CCDC192: variants seen among roughly 807,000 people sequenced by gnomAD.
CCDC192 encodes coiled-coil domain containing 192, also known as coiled-coil domain-containing protein 192.
chr5:127,712,744 A>G (rs956939047), intron 2 of CCDC192, among the ~76,000 whole-genome samples: 1 of 152,250 alleles, frequency 6.6e-6, no homozygotes, highest in South Asian at 2.1e-4. Flanking sequence ...TTGTATAGAC[A>G]TATGCTTTCT....
At chr5:127,784,703 G>A in intron 3 of CCDC192, 1 of 631,422 alleles carries the variant, frequency 1.6e-6, no homozygotes, top group Non-Finnish European at 2.9e-6. Flanking sequence ...TTCTTGATCA[G>A]GGACCCGGGA....
chr5:127,747,368 G>A (rs1443711081), intron 2 of CCDC192, among the ~76,000 whole-genome samples: 1 of 150,954 alleles, frequency 6.6e-6, no homozygotes, highest in Non-Finnish European at 1.5e-5. Flanking sequence ...TTGGTTTTTT[G>A]TCCTTGTGAT....
intron 2 of CCDC192, among the ~76,000 whole-genome samples, chr5:127,746,583 T>C (rs2126852473): frequency 6.6e-6 from 1 of 152,036 alleles, no homozygotes; most frequent in East Asian, 1.9e-4. Context: ...CATCTCTAAG[T>C]GTAAATACAC....
intron 6 of CCDC192, among the ~76,000 whole-genome samples, chr5:127,894,537 A>G (rs1752826437): frequency 6.6e-6 from 1 of 152,164 alleles, no homozygotes. Context: ...GTCATTAGCC[A>G]TGACATGTTA....
At chr5:127,765,242 C>A (rs1470472499) in intron 3 of CCDC192, among the ~76,000 whole-genome samples, 1 of 152,146 alleles carries the variant, frequency 6.6e-6, no homozygotes, top group African/African-American at 2.4e-5. Flanking sequence ...CTTCCAGATT[C>A]TACATGGCAG....
chr5:127,897,748 A>G (rs982536398), intron 6 of CCDC192, among the ~76,000 whole-genome samples: 1 of 152,088 alleles, frequency 6.6e-6, no homozygotes, highest in Admixed American at 6.5e-5. Context: ...TAGGTGTTCT[A>G]GTTTATGAAA....
At chr5:127,914,435 T>C (rs767062898) in intron 6 of CCDC192, among the ~76,000 whole-genome samples, 6 of 152,198 alleles carry the variant, frequency 3.9e-5, no homozygotes, top group African/African-American at 7.2e-5. Flanking sequence ...AATGTATAAA[T>C]ACTATAAATA....
chr5:127,803,395 C>G (rs1196516303), intron 5 of CCDC192, among the ~76,000 whole-genome samples: 1 of 152,162 alleles, frequency 6.6e-6, no homozygotes, highest in Non-Finnish European at 1.5e-5. Context: ...CCCTGGGCAT[C>G]TTTATCACTC....
chr5:127,708,625 C>T (rs927139963), intron 2 of CCDC192, among the ~76,000 whole-genome samples: 3 of 151,994 alleles, frequency 2.0e-5, no homozygotes, highest in Non-Finnish European at 2.9e-5. Flanking sequence ...CATCTCCAAC[C>T]TTTGTGATGA....
chr5:127,738,111 T>C (rs1398343809), intron 2 of CCDC192, among the ~76,000 whole-genome samples: 6 of 152,018 alleles, frequency 3.9e-5, no homozygotes, highest in Non-Finnish European at 7.4e-5. Flanking sequence ...CAGGAGCTCT[T>C]GTAAGGCAGG....
chr5:127,882,523 T>C (rs1298601066), intron 6 of CCDC192, among the ~76,000 whole-genome samples: 1 of 152,208 alleles, frequency 6.6e-6, no homozygotes, highest in East Asian at 1.9e-4. Context: ...TGGAATTAGA[T>C]ATAGCAATAG....
chr5:127,721,445 G>T (rs774681628), intron 2 of CCDC192, among the ~76,000 whole-genome samples: 11 of 152,176 alleles, frequency 7.2e-5, no homozygotes, highest in Non-Finnish European at 1.0e-4. Context: ...GACCACCTCA[G>T]CCTGACTTCA....
chr5:127,762,555 G>A (rs1754989895), intron 3 of CCDC192, among the ~76,000 whole-genome samples: 1 of 152,162 alleles, frequency 6.6e-6, no homozygotes, highest in South Asian at 2.1e-4. Flanking sequence ...ATGACAAATC[G>A]GCTTCTGTAG....
intron 2 of CCDC192, among the ~76,000 whole-genome samples, chr5:127,739,021 T>C (rs1401531825): frequency 6.6e-6 from 1 of 152,180 alleles, no homozygotes; most frequent in African/African-American, 2.4e-5. Context: ...TTTTAGAGTT[T>C]CCAGTTTTTC....
At chr5:127,769,812 C>T (rs747863159) in intron 3 of CCDC192, among the ~76,000 whole-genome samples, 12 of 152,086 alleles carry the variant, frequency 7.9e-5, no homozygotes, top group African/African-American at 1.4e-4. Context: ...ATTTCAATAA[C>T]GTAGTCGAGG....
chr5:127,739,186 G>A (rs1370025947), intron 2 of CCDC192, among the ~76,000 whole-genome samples: 1 of 152,068 alleles, frequency 6.6e-6, no homozygotes, highest in African/African-American at 2.4e-5. Context: ...GGAATACCCT[G>A]CCGTGTGAGG....
chr5:127,845,445 T>A (rs1750490165), intron 5 of CCDC192, among the ~76,000 whole-genome samples: 1 of 151,980 alleles, frequency 6.6e-6, no homozygotes, highest in Admixed American at 6.6e-5. Flanking sequence ...AGAGTTGAAG[T>A]AATAGGACGA....
At chr5:127,821,024 T>C (rs572092402) in intron 5 of CCDC192, among the ~76,000 whole-genome samples, 2 of 152,202 alleles carry the variant, frequency 1.3e-5, no homozygotes, top group Admixed American at 1.3e-4. Flanking sequence ...ATCCACACAC[T>C]ACATGTACAC....
chr5:127,904,124 G>A (rs1753133396), intron 6 of CCDC192, among the ~76,000 whole-genome samples: 1 of 152,210 alleles, frequency 6.6e-6, no homozygotes, highest in East Asian at 1.9e-4. Context: ...AAGGGCCAGA[G>A]AGATGCAGCA....
Sources: gnomAD v4.1 joint callset for allele counts (sites outside exome capture counted in the v4.1 genomes callset) on GRCh38, gnomAD v4.1.1 for gene constraint, MANE v1.5 for transcripts, NCBI Gene and HGNC (gene_info 2026-07-23, HGNC 2026-07-21) for gene names.